Variants in ITGB1 observed in about 807,000 individuals in gnomAD.
ITGB1 encodes the protein integrin beta-1.
Under a neutral mutation model 86.5 loss-of-function variants are expected in ITGB1, and 24 were observed. The observed-to-expected ratio is 0.28, with a 90% CI of 0.20 to 0.39. ITGB1 has a LOEUF of 0.39. Ranked by LOEUF, ITGB1 falls within the 10% of genes least tolerant of loss-of-function variation. The probability of loss-of-function intolerance (pLI) is 1.00; values close to 1 mark genes in which losing one functional copy is unlikely to be tolerated. For synonymous variants in ITGB1, 323 were observed against 316.8 expected, an observed-to-expected ratio of 1.02 and a Z score of -0.21; for missense variants, 556 against 946.9, an observed-to-expected ratio of 0.59 and a Z score of 5.42.
chr10:32,922,347 C>T lies in ITGB1; in HGVS notation c.1039-1G>A. 6.3e-7 allele frequency: 1 copy of T among 1,598,944 alleles called. No individual in the cohort carries two copies. The highest frequency in any genetic ancestry group is 8.6e-7 in the Non-Finnish European group (1 of 1,168,902). On this transcript the variant is annotated splice_acceptor_variant, in intron 8 of 15. Coordinates refer to ENST00000302278, the MANE Select transcript of ITGB1 (RefSeq NM_002211.4). LOFTEE classifies it high-confidence loss of function. Reference sequence around the variant, plus strand: ...ACTTAGGGATCAAGTTTTTCAGCTCCTGCAATTAAAAGATAAAACACGTAA... The same window carrying T: ...ACTTAGGGATCAAGTTTTTCAGCTCTTGCAATTAAAAGATAAAACACGTAA...
At chr10:32,936,921 A>G (rs969308055) in intron 1 of ITGB1, among the ~76,000 whole-genome samples, 3 of 152,238 alleles carry the variant, frequency 2.0e-5, no homozygotes, top group African/African-American at 7.2e-5. Flanking sequence ...GAACTAGCAA[A>G]AATAGAAAGT....
At chr10:32,922,839 A>T in intron 7 of ITGB1, 104 bp from the exon 8 acceptor site, 1 of 633,924 alleles carries the variant, frequency 1.6e-6, no homozygotes, top group South Asian at 2.3e-5. Context: ...ACTCGATTAC[A>T]AGACTGCTTT....
In ITGB1 at chr10:32,920,083, A is replaced by G. The variant is rs2094944262; in HGVS notation, c.1271T>C (p.Val424Ala). 2 of 1,611,872 alleles carry G rather than the reference A, an allele frequency of 1.2e-6. No homozygotes were observed. The highest frequency in any genetic ancestry group is 1.7e-6 in the Non-Finnish European group (2 of 1,178,526). ...KCSNISIGDE[V>A]QFEISITSNK... ...TGAAGTTATGCTAATTTCAAATTGAACCTTGAAGGGAAAAAAAAGATTAAC... is the reference window on the plus strand; with the variant it reads ...TGAAGTTATGCTAATTTCAAATTGAGCCTTGAAGGGAAAAAAAAGATTAAC... Residue 424 changes from valine to alanine, a missense_variant and splice_region_variant, in exon 11 of 16, where the codon GTT (valine) becomes GCT (alanine). Val to Ala is a moderately conservative substitution (Grantham distance 64). Around this residue, in one of 4 missense-constraint regions of ITGB1, gnomAD observed 330 missense variants for 531.5 expected, o/e 0.62. Coordinates refer to ENST00000302278, the MANE Select transcript of ITGB1 (RefSeq NM_002211.4).
At chr10:32,955,902 C>T (rs930639429) in intron 1 of ITGB1, among the ~76,000 whole-genome samples, 4 of 152,174 alleles carry the variant, frequency 2.6e-5, no homozygotes, top group Admixed American at 6.5e-5. Context: ...TAGAACTTTA[C>T]ATTAAGAAAA....
At chr10:32,915,800 C>G (rs1291120067) in intron 11 of ITGB1, among the ~76,000 whole-genome samples, 1 of 152,218 alleles carries the variant, frequency 6.6e-6, no homozygotes, top group South Asian at 2.1e-4. Context: ...GGGAATCCTC[C>G]CTAACTCACG....
Position 32,919,966 on chromosome 10 carries a change from T to A in ITGB1, c.1388A>T (p.Glu463Val). Residue 463 changes from glutamate to valine, a missense_variant, in exon 11 of 16, where the codon GAA (glutamate) becomes GTA (valine). This residue lies in a region of ITGB1 where 330 missense variants were observed against 531.5 expected (regional missense o/e 0.62). Coordinates refer to ENST00000302278, the MANE Select transcript of ITGB1 (RefSeq NM_002211.4). The stretch of plus-strand genomic sequence containing the variant: ...GATGCCTTCGCTTTGGCATTCACAT[T>A]CACAGATGTACTGAAGAATAACCTC... ...EVEVILQYIC[E>V]CECQSEGIPE... The A allele has an allele frequency of 6.2e-7, 1 of 1,614,092 alleles. No individual in the cohort carries two copies. The highest frequency in any genetic ancestry group is 8.5e-7 in the Non-Finnish European group (1 of 1,179,980).
intron 11 of ITGB1, among the ~76,000 whole-genome samples, chr10:32,914,119 G>C (rs576145020): frequency 6.6e-6 from 1 of 152,196 alleles, no homozygotes; most frequent in Non-Finnish European, 1.5e-5. Context: ...AATGCTGAGA[G>C]ATTGTGTCAC....
chr10:32,903,459 GA>G (rs34018917), intron 15 of ITGB1, among the ~76,000 whole-genome samples: 125,146 of 151,690 alleles, frequency 0.83, 52,353 homozygotes, highest in Non-Finnish European at 0.9. Context: ...TATGAAGTCT[GA>G]AACTTCATCC....
At chr10:32,936,468 A>G (rs953707459) in intron 1 of ITGB1, among the ~76,000 whole-genome samples, 2 of 152,058 alleles carry the variant, frequency 1.3e-5, no homozygotes, top group African/African-American at 4.8e-5. Context: ...ACTTCTATGC[A>G]TGCAATAAGT....
chr10:32,906,203 T>C (rs1477971526), intron 15 of ITGB1, among the ~76,000 whole-genome samples: 1 of 152,222 alleles, frequency 6.6e-6, no homozygotes, highest in Non-Finnish European at 1.5e-5. Flanking sequence ...ACAAATATCA[T>C]AGTAGGTTAT....
intron 1 of ITGB1, 76 bp from the exon 2 acceptor site, chr10:32,935,634 C>T: frequency 2.0e-6 from 2 of 997,784 alleles, no homozygotes; most frequent in Non-Finnish European, 3.1e-6. Context: ...AGTATTACCC[C>T]ACCGTACCTT....
intron 15 of ITGB1, among the ~76,000 whole-genome samples, chr10:32,907,806 G>A (rs1173743043): frequency 6.6e-6 from 1 of 151,764 alleles, no homozygotes; most frequent in Non-Finnish European, 1.5e-5. Context: ...ATACACTAAC[G>A]ATAGCTGATG....
At chr10:32,954,926 AAAC>A (rs1265347040) in intron 1 of ITGB1, among the ~76,000 whole-genome samples, 3 of 152,346 alleles carry the variant, frequency 2.0e-5, no homozygotes, top group African/African-American at 4.8e-5. Flanking sequence ...GCCACTTTTA[AAAC>A]AATAACAAAT....
At chr10:32,944,702 TAGAC>T (rs1303058061) in intron 1 of ITGB1, 17 of 679,224 alleles carry the variant, frequency 2.5e-5, no homozygotes, top group Middle Eastern at 4.2e-4. Flanking sequence ...CTAAGCTTCT[TAGAC>T]AGACAAAGTG....
In ITGB1 at chr10:32,934,409, A is replaced by G. The variant is rs559965938; in HGVS notation, c.67+1083T>C. ...GAGGATATGTGTAGGTTATATGCAA[A>G]TATCATGCCATTTTATATCAGGGAC... On this transcript the variant is annotated intron_variant, in intron 2 of 15. Transcript: ENST00000302278. Among the ~76,000 whole-genome samples, 3 of 152,306 alleles carry G rather than the reference A, an allele frequency of 2.0e-5. No homozygotes were observed. In the East Asian group the frequency reaches 5.8e-4, roughly 29 times the overall value.
chr10:32,914,491 CA>C (rs906010576), intron 11 of ITGB1, among the ~76,000 whole-genome samples: 1 of 151,258 alleles, frequency 6.6e-6, no homozygotes, highest in Non-Finnish European at 1.5e-5. Context: ...AAATGGAAAA[CA>C]AAAAAAGGCA....
intron 2 of ITGB1, among the ~76,000 whole-genome samples, chr10:32,934,670 A>T (rs1306849364): frequency 6.6e-6 from 1 of 152,130 alleles, no homozygotes; most frequent in East Asian, 1.9e-4. Flanking sequence ...ACATTGTTTC[A>T]TATTTTTACT....
At chr10:32,921,235 T>C (rs1206331796) in intron 9 of ITGB1, among the ~76,000 whole-genome samples, 1 of 150,800 alleles carries the variant, frequency 6.6e-6, no homozygotes, top group African/African-American at 2.4e-5. Flanking sequence ...TATGAGACTA[T>C]TCAGGACAAA....
chr10:32,945,227 T>C (rs2095028436), intron 1 of ITGB1, among the ~76,000 whole-genome samples: 1 of 152,172 alleles, frequency 6.6e-6, no homozygotes, highest in African/African-American at 2.4e-5. Context: ...TGCAAAACCA[T>C]CAGAGATGTC....
Sources: allele counts gnomAD v4.1 joint callset (sites outside exome capture counted in the v4.1 genomes callset), GRCh38; gene constraint gnomAD v4.1.1; regional missense constraint gnomAD v4.1.1; transcripts MANE v1.5; gene names NCBI Gene and HGNC (gene_info 2026-07-23, HGNC 2026-07-21).